Variants in EVL observed in about 807,000 individuals in gnomAD.
The protein encoded by EVL is ena/VASP-like protein.
In EVL, 21 loss-of-function variants were observed where a neutral mutation model predicts 59.6. That is an observed-to-expected ratio of 0.35 (90% confidence interval 0.25 to 0.51). The LOEUF is 0.51. Among genes scored for constraint, EVL ranks in the 20% least tolerant of loss-of-function variants. The pLI is 0.97. For synonymous variants in EVL, 198 were observed against 203.5 expected, an observed-to-expected ratio of 0.97 and a Z score of 0.23; for missense variants, 462 against 546.6, an observed-to-expected ratio of 0.85 and a Z score of 1.54.
intron 1 of EVL, among the ~76,000 whole-genome samples, chr14:100,073,173 G>A (rs1241079244): frequency 1.3e-5 from 2 of 151,708 alleles, no homozygotes; most frequent in African/African-American, 4.9e-5. Context: ...TGCCTTTGCT[G>A]ACACTCTTCC....
intron 1 of EVL, among the ~76,000 whole-genome samples, chr14:100,041,106 T>G (rs963274045): frequency 2.0e-5 from 3 of 152,224 alleles, no homozygotes; most frequent in African/African-American, 7.2e-5. Context: ...AGTGGCATTG[T>G]TGATACAATA....
intron 1 of EVL, among the ~76,000 whole-genome samples, chr14:100,013,478 A>G (rs1293998138): frequency 6.6e-6 from 1 of 152,198 alleles, no homozygotes; most frequent in East Asian, 1.9e-4. Flanking sequence ...GCTGGTGAGA[A>G]TTTGCCCAAG....
rs1055209914 is a variant in EVL at position 100,084,449 on chromosome 14, G to T, written c.12-238G>T. ...CAACTTCTCCCCTGAAAACAAAGTT[G>T]TGAGTCTTTTCCAAGCTGTTGAAAG... is the stretch of plus-strand genomic sequence containing the variant. On this transcript the variant is annotated intron_variant, in intron 1 of 13. Transcript: ENST00000392920. 2.0e-5 allele frequency among the ~76,000 whole-genome samples: 3 copies of T among 152,204 alleles called. No homozygotes were observed. The East Asian group carries it at 5.8e-4, about 29-fold the overall frequency.
chr14:100,072,863 G>A (rs1168508056), intron 1 of EVL, among the ~76,000 whole-genome samples: 1 of 152,170 alleles, frequency 6.6e-6, no homozygotes, highest in Non-Finnish European at 1.5e-5. Flanking sequence ...TTGCTGCGTC[G>A]CCAGGTGGAG....
At chr14:100,111,148 ATTTTTTTTTTTTTT>A (rs35367426) in intron 3 of EVL, among the ~76,000 whole-genome samples, 1 of 86,798 alleles carries the variant, frequency 1.2e-5, no homozygotes, top group Non-Finnish European at 2.1e-5. Context: ...TAGTGTCCTC[ATTTTTTTTTTTTTT>A]TTTTTTTTTT....
chr14:100,124,534 T>C (rs1359167907), intron 4 of EVL, among the ~76,000 whole-genome samples: 1 of 152,216 alleles, frequency 6.6e-6, no homozygotes, highest in Non-Finnish European at 1.5e-5. Flanking sequence ...AGGGCTTTTC[T>C]TACTGTTGTC....
chr14:100,031,271 A>C (rs1255673126), intron 1 of EVL, among the ~76,000 whole-genome samples: 1 of 152,198 alleles, frequency 6.6e-6, no homozygotes, highest in African/African-American at 2.4e-5. Flanking sequence ...TTAAAGTTCC[A>C]CTGATGATTC....
At chr14:100,133,038 GCACCGCAGGGCTACCTCGCCTTCC>G (rs1888538871) in intron 8 of EVL, among the ~76,000 whole-genome samples, 1 of 152,258 alleles carries the variant, frequency 6.6e-6, no homozygotes, top group African/African-American at 2.4e-5. Context: ...GCTGGCCGCT[GCACCGCAGGGCTACCTCGCCTTCC>G]CAGGAGCCCC....
chr14:100,063,152 C>T (rs1292351244), upstream of EVL, among the ~76,000 whole-genome samples: 3 of 152,134 alleles, frequency 2.0e-5, no homozygotes, highest in Non-Finnish European at 2.9e-5. Flanking sequence ...ACTCTGCAGA[C>T]GTGATTAAAG....
exon 1 of EVL, chr14:99,971,958 G>GGCTCCCCCGCTAGCGCCC (rs1436989427): frequency 1.2e-4 from 17 of 146,468 alleles, no homozygotes; most frequent in African/African-American, 4.2e-4. Flanking sequence ...GCCCGGGGCC[G>GGCTCCCCCGCTAGCGCCC]GCTCCCCCGC....
At chr14:100,133,116 A>AG (rs1181134186) in intron 8 of EVL, among the ~76,000 whole-genome samples, 1 of 152,242 alleles carries the variant, frequency 6.6e-6, no homozygotes, top group Non-Finnish European at 1.5e-5. Context: ...CTGGGACTCC[A>AG]GGAGTACACT....
At chr14:100,070,977 T>A (rs2062037506) in intron 1 of EVL, among the ~76,000 whole-genome samples, 1 of 152,160 alleles carries the variant, frequency 6.6e-6, no homozygotes, top group African/African-American at 2.4e-5. Flanking sequence ...TGAAAGAGTA[T>A]GGGAGATGCA....
chr14:100,120,977 G>A (rs1887658720), intron 3 of EVL, among the ~76,000 whole-genome samples: 1 of 152,188 alleles, frequency 6.6e-6, no homozygotes. Flanking sequence ...GGGAAGAGCT[G>A]GGACTCCCAC....
At chr14:100,040,482 C>T (rs758049500) in intron 1 of EVL, among the ~76,000 whole-genome samples, 13 of 152,162 alleles carry the variant, frequency 8.5e-5, no homozygotes, top group Non-Finnish European at 1.9e-4. Flanking sequence ...AGTGTGGCTG[C>T]TCGTCTGCCC....
At chr14:100,019,416 T>G in intron 1 of EVL, 1 of 510,884 alleles carries the variant, frequency 2.0e-6, no homozygotes, top group Non-Finnish European at 3.4e-6. Flanking sequence ...TACACTGCAT[T>G]AATCAGACTT....
chr14:100,072,953 G>T (rs548470404), intron 1 of EVL, among the ~76,000 whole-genome samples: 34 of 152,314 alleles, frequency 2.2e-4, no homozygotes, highest in African/African-American at 6.3e-4. Context: ...TGGGCGTTGG[G>T]CAGGTTACTT....
chr14:100,101,638 C>T (rs975900168), intron 3 of EVL, among the ~76,000 whole-genome samples: 13 of 152,080 alleles, frequency 8.5e-5, no homozygotes, highest in Admixed American at 4.6e-4. Flanking sequence ...AGTGAAACTC[C>T]GTCTCAAAAA....
chr14:100,117,693 G>A (rs1245080751), intron 3 of EVL, among the ~76,000 whole-genome samples: 7 of 152,162 alleles, frequency 4.6e-5, no homozygotes, highest in African/African-American at 4.8e-5. Flanking sequence ...GATCTAGTAC[G>A]TAGTGTAATA....
At chr14:100,116,864 G>T (rs150294068) in intron 3 of EVL, among the ~76,000 whole-genome samples, 1 of 152,288 alleles carries the variant, frequency 6.6e-6, no homozygotes, top group East Asian at 1.9e-4. Flanking sequence ...ATGATCCTTG[G>T]TTCCACGCTT....
Sources: gnomAD v4.1 joint callset for allele counts (sites outside exome capture counted in the v4.1 genomes callset) on GRCh38, gnomAD v4.1.1 for gene constraint, MANE v1.5 for transcripts, NCBI Gene and HGNC (gene_info 2026-07-23, HGNC 2026-07-21) for gene names.